The following FAF1 variants were observed in gnomAD, a reference collection of about 807,000 sequenced individuals.
The protein encoded by FAF1 is FAS-associated factor 1.
A neutral mutation model predicts 92.5 loss-of-function variants in FAF1; 25 were observed. That is an observed-to-expected ratio of 0.27 (90% CI 0.20 to 0.38). FAF1 has a LOEUF of 0.38. FAF1 is among the 10% of genes least tolerant of loss of function. The probability of loss-of-function intolerance (pLI) is 1.00; values close to 1 mark genes in which losing one functional copy is unlikely to be tolerated. For synonymous variants in FAF1, 234 were observed against 273.2 expected (o/e 0.86, Z 1.42); for missense variants, 636 against 793.3 (o/e 0.80, Z 2.38).
intron 6 of FAF1, among the ~76,000 whole-genome samples, chr1:50,735,794 G>C (rs2124480834): frequency 6.6e-6 from 1 of 152,256 alleles, no homozygotes; most frequent in Non-Finnish European, 1.5e-5. Context: ...TCAGCTCACT[G>C]TAACCTCAAA....
At chr1:50,859,432 AC>A (rs1644415213) in intron 1 of FAF1, among the ~76,000 whole-genome samples, 1 of 152,104 alleles carries the variant, frequency 6.6e-6, no homozygotes, top group South Asian at 2.1e-4. Context: ...AAATCGATGT[AC>A]AAAAATCAGT....
intron 4 of FAF1, among the ~76,000 whole-genome samples, chr1:50,752,417 T>A (rs922771750): frequency 6.6e-6 from 1 of 152,364 alleles, no homozygotes; most frequent in African/African-American, 2.4e-5. Context: ...TTTACCAGCA[T>A]AAGTTTGTTC....
intron 15 of FAF1, among the ~76,000 whole-genome samples, chr1:50,524,244 G>A (rs1163880190): frequency 6.6e-6 from 1 of 151,952 alleles, no homozygotes; most frequent in South Asian, 2.1e-4. Flanking sequence ...TAATGGGGTT[G>A]TTATTTGTAA....
intron 15 of FAF1, among the ~76,000 whole-genome samples, chr1:50,497,788 T>C (rs1163010299): frequency 1.3e-5 from 2 of 151,952 alleles, no homozygotes; most frequent in African/African-American, 2.4e-5. Context: ...GGGCTCGTGA[T>C]CCACCTGCCT....
chr1:50,682,581 C>T (rs546814731), intron 7 of FAF1, among the ~76,000 whole-genome samples: 42 of 152,234 alleles, frequency 2.8e-4, no homozygotes, highest in Middle Eastern at 3.4e-3. Context: ...TGGCAGAACT[C>T]CAAAACAAAA....
chr1:50,898,173 G>A (rs941226428), intron 1 of FAF1, among the ~76,000 whole-genome samples: 5 of 152,182 alleles, frequency 3.3e-5, no homozygotes, highest in Non-Finnish European at 7.3e-5. Flanking sequence ...AGGCATGGTG[G>A]TGCATTCCTG....
At chr1:50,902,204 A>C (rs1301037873) in intron 1 of FAF1, among the ~76,000 whole-genome samples, 2 of 152,198 alleles carry the variant, frequency 1.3e-5, no homozygotes, top group Non-Finnish European at 2.9e-5. Flanking sequence ...GATTTTTTAA[A>C]ACTATTCCAG....
rs894380980 is a variant in FAF1 at position 50,643,781 on chromosome 1, T to C, written c.744+11661A>G. Reference sequence around the variant, plus strand: ...CTAATTTTTGTAGTTTTAGTAGAGCTGGGGTTTCGCCATGTTGGCCAGGCT... The same window carrying C: ...CTAATTTTTGTAGTTTTAGTAGAGCCGGGGTTTCGCCATGTTGGCCAGGCT... On this transcript the variant is annotated intron_variant, in intron 8 of 18. Transcript: ENST00000396153. 3.6e-4 allele frequency among the ~76,000 whole-genome samples: 54 copies of C among 151,954 alleles called. 1 individual carries two copies. The highest frequency in any genetic ancestry group is 1.3e-3 in the African/African-American group (54 of 41,354).
At chr1:50,502,747 T>G (rs1647008012) in intron 15 of FAF1, among the ~76,000 whole-genome samples, 1 of 152,206 alleles carries the variant, frequency 6.6e-6, no homozygotes. Flanking sequence ...TAGGTGTATG[T>G]GTGCATGATG....
At chr1:50,484,387 T>C (rs1206257300) in intron 17 of FAF1, among the ~76,000 whole-genome samples, 2 of 152,218 alleles carry the variant, frequency 1.3e-5, no homozygotes, top group East Asian at 3.8e-4. Context: ...ACTGTTTTAA[T>C]GGTTCATGAG....
chr1:50,689,727 C>A (rs552654072), intron 7 of FAF1, among the ~76,000 whole-genome samples: 5 of 152,292 alleles, frequency 3.3e-5, no homozygotes, highest in African/African-American at 1.2e-4. Context: ...ATGTGGTATG[C>A]CCACACAATG....
At chr1:50,476,067 A>C (rs1002671035) in intron 17 of FAF1, among the ~76,000 whole-genome samples, 3 of 152,220 alleles carry the variant, frequency 2.0e-5, no homozygotes, top group Admixed American at 6.5e-5. Context: ...ACACACAAAC[A>C]GAGATATATT....
chr1:50,680,683 CA>C (rs578164784), intron 7 of FAF1, among the ~76,000 whole-genome samples: 130 of 134,674 alleles, frequency 9.7e-4, no homozygotes, highest in Admixed American at 1.0e-3. Flanking sequence ...ACTCTGTCTC[CA>C]AAAAAAAAAA....
intron 8 of FAF1, among the ~76,000 whole-genome samples, chr1:50,647,946 C>G (rs1457459278): frequency 6.6e-6 from 1 of 152,082 alleles, no homozygotes; most frequent in East Asian, 1.9e-4. Flanking sequence ...GGAAGAAGGG[C>G]ATAGGCAGGG....
chr1:50,627,304 C>T (rs1414548706), intron 8 of FAF1, among the ~76,000 whole-genome samples: 1 of 152,034 alleles, frequency 6.6e-6, no homozygotes, highest in South Asian at 2.1e-4. Flanking sequence ...GAAGGATGAG[C>T]TTGCAAAGGA....
At chr1:50,894,754 T>C (rs1488967987) in intron 1 of FAF1, among the ~76,000 whole-genome samples, 4 of 152,084 alleles carry the variant, frequency 2.6e-5, no homozygotes, top group Non-Finnish European at 5.9e-5. Flanking sequence ...TTAAACAATA[T>C]GCTCCTGAAT....
intron 12 of FAF1, among the ~76,000 whole-genome samples, chr1:50,569,747 T>A (rs528472619): frequency 6.6e-6 from 1 of 152,256 alleles, no homozygotes; most frequent in Non-Finnish European, 1.5e-5. Context: ...GGGAAAGAGA[T>A]TAGTGATTTA....
At chr1:50,640,433 C>T (rs1654269789) in intron 8 of FAF1, among the ~76,000 whole-genome samples, 1 of 151,820 alleles carries the variant, frequency 6.6e-6, no homozygotes. Context: ...GCTGGGACTA[C>T]AGGCGCCCAC....
chr1:50,462,710 GCTTCCC>G (rs1646448048), intron 18 of FAF1, among the ~76,000 whole-genome samples: 1 of 152,142 alleles, frequency 6.6e-6, no homozygotes, highest in Non-Finnish European at 1.5e-5. Context: ...TAGGGATTGT[GCTTCCC>G]TCATGATGTC....
Sources: gnomAD v4.1 joint callset for allele counts (sites outside exome capture counted in the v4.1 genomes callset) on GRCh38, gnomAD v4.1.1 for gene constraint, MANE v1.5 for transcripts, NCBI Gene and HGNC (gene_info 2026-07-23, HGNC 2026-07-21) for gene names.